Variants in DIABLO observed in about 807,000 individuals in gnomAD.
DIABLO encodes the protein diablo homolog, mitochondrial.
In DIABLO, 32 loss-of-function variants were observed where a neutral mutation model predicts 31.7. The ratio of observed to expected loss-of-function variants is 1.01; its 90% confidence interval spans 0.76 to 1.35. The LOEUF (loss-of-function observed/expected upper bound fraction) is 1.35. Ranked by LOEUF, DIABLO falls within the 40% of genes most tolerant of loss-of-function variation. The pLI is 0.00. For missense variants in DIABLO, 316 were observed against 286.4 expected, an observed-to-expected ratio of 1.10 and a Z score of -0.75; for synonymous variants, 132 against 103.2, an observed-to-expected ratio of 1.28 and a Z score of -1.69.
chr12:122,224,683 A>T, intron 1 of DIABLO, 39 bp from the exon 2 acceptor site: 1 of 1,614,106 alleles, frequency 6.2e-7, no homozygotes, highest in Non-Finnish European at 8.5e-7. Context: ...CACGACCGCC[A>T]ATCTGTAACA....
rs201968501 is a variant in DIABLO, at chr12:122,224,969, A to G, written c.51-325T>C. On this transcript the variant is annotated intron_variant, in intron 1 of 5. Coordinates refer to ENST00000464942, the MANE Select transcript of DIABLO (RefSeq NM_001371333.1). ...CGTGTCTATTAAAAAAAAATAAGTAAATAAAGGCCGAGGCGGGTGGATCAC... is the reference window on the plus strand; with the variant it reads ...CGTGTCTATTAAAAAAAAATAAGTAGATAAAGGCCGAGGCGGGTGGATCAC... 1.4e-5 allele frequency: 8 copies of G among 587,150 alleles called. No homozygotes were observed. In the East Asian group the frequency reaches 3.6e-4, roughly 26 times the overall value. 36.4% of individuals were successfully genotyped at this position (587,150 alleles called of 1,614,324 possible). A position where few individuals can be genotyped will look rare whatever the true frequency, so the allele number is the denominator to read the frequency against.
Position 122,215,751 on chromosome 12 carries a change from G to A in DIABLO, c.523+737C>T, listed in dbSNP as rs558558470. Among the ~76,000 whole-genome samples the A allele has an allele frequency of 2.5e-4, 38 of 149,922 alleles. 1 individual carries two copies. Among genetic ancestry groups the A allele is most frequent in the African/African-American group, 6.9e-4 (28 of 40,852 alleles). Reference sequence around the variant, plus strand: ...AGGAGAAGCAGAGGCTTTGGAATTCGACCTACTTGGCTCCGTGGCTCATGC... The same window carrying A: ...AGGAGAAGCAGAGGCTTTGGAATTCAACCTACTTGGCTCCGTGGCTCATGC... On this transcript the variant is annotated intron_variant, in intron 5 of 5. Transcript: ENST00000464942.
intron 2 of DIABLO, chr12:122,222,310 T>C (rs1285446587): frequency 6.6e-6 from 1 of 152,056 alleles, no homozygotes; most frequent in Non-Finnish European, 1.5e-5. Flanking sequence ...CTTTAAAAAA[T>C]CTTGGAATCT....
intron 5 of DIABLO, among the ~76,000 whole-genome samples, chr12:122,210,167 G>C (rs1566021353): frequency 6.6e-6 from 1 of 152,086 alleles, no homozygotes; most frequent in African/African-American, 2.4e-5. Flanking sequence ...TCGTTTTGGT[G>C]CTGCCCTAGT....
At chr12:122,215,653 A>G (rs1040107745) in intron 5 of DIABLO, among the ~76,000 whole-genome samples, 1 of 152,038 alleles carries the variant, frequency 6.6e-6, no homozygotes, top group Non-Finnish European at 1.5e-5. Context: ...GGGACCACTC[A>G]GGTAGGATGT....
chr12:122,224,710 T>G (rs751724483), intron 1 of DIABLO, 66 bp from the exon 2 acceptor site: 1 of 1,613,604 alleles, frequency 6.2e-7, no homozygotes. Context: ...TGGATTTACT[T>G]GCAGGGGCTG....
At position 122,213,294 on chromosome 12, in the gene DIABLO, C is replaced by G. The variant is rs145098664; in HGVS notation, c.523+3194G>C. On this transcript the variant is annotated intron_variant, in intron 5 of 5. Coordinates refer to ENST00000464942, the MANE Select transcript of DIABLO (RefSeq NM_001371333.1). Reference sequence around the variant, plus strand: ...TCTGTAATCCCAGCAGTTTGAGAGGCCAAGGCGGGTGGATCACTTGAGCTC... The same window carrying G: ...TCTGTAATCCCAGCAGTTTGAGAGGGCAAGGCGGGTGGATCACTTGAGCTC... Among the ~76,000 whole-genome samples the G allele has an allele frequency of 3.0e-3, 454 of 151,786 alleles. 5 individuals carry two copies. Among genetic ancestry groups the G allele is most frequent in the African/African-American group, 7.6e-3 (315 of 41,356 alleles).
At chr12:122,214,473 T>C (rs968021023) in intron 5 of DIABLO, among the ~76,000 whole-genome samples, 1 of 152,214 alleles carries the variant, frequency 6.6e-6, no homozygotes, top group Non-Finnish European at 1.5e-5. Context: ...TTGCCTAGGA[T>C]GGAGTGCACA....
intron 5 of DIABLO, among the ~76,000 whole-genome samples, chr12:122,214,984 C>T (rs1352757735): frequency 6.6e-6 from 1 of 152,154 alleles, no homozygotes; most frequent in Non-Finnish European, 1.5e-5. Context: ...GGATTATAGG[C>T]ATGAGCCACT....
In DIABLO at chr12:122,208,325, G is replaced by C; in HGVS notation, c.*56C>G. 3 of 1,587,252 alleles carry C rather than the reference G, an allele frequency of 1.9e-6. No homozygotes were observed. On this transcript the variant is annotated 3_prime_UTR_variant, in exon 6 of 6. Coordinates refer to ENST00000464942, the MANE Select transcript of DIABLO (RefSeq NM_001371333.1). Reference sequence around the variant, plus strand: ...AGTCATGCCAACCCTGGGCAGGGTGGCATCTGCCCCTGCTTTCCCCACTGA... The same window carrying C: ...AGTCATGCCAACCCTGGGCAGGGTGCCATCTGCCCCTGCTTTCCCCACTGA...
At chr12:122,214,106 C>CT (rs1325255273) in intron 5 of DIABLO, among the ~76,000 whole-genome samples, 2 of 151,884 alleles carry the variant, frequency 1.3e-5, no homozygotes, top group African/African-American at 2.4e-5. Context: ...AACAAAAAAA[C>CT]TAACAACAAC....
chr12:122,224,697 T>G (rs1261717474), intron 1 of DIABLO, 53 bp from the exon 2 acceptor site: 1 of 1,613,970 alleles, frequency 6.2e-7, no homozygotes, highest in African/African-American at 1.3e-5. Context: ...TGTAACAGGC[T>G]CTTGGATTTA....
At chr12:122,226,108 C>T, upstream of DIABLO, 1 of 1,511,718 alleles carries the variant, frequency 6.6e-7, no homozygotes, top group Non-Finnish European at 8.9e-7. Flanking sequence ...AGCGCCTCGC[C>T]CCATAGCCAC....
At chr12:122,224,761 G>A (rs925059876) in intron 1 of DIABLO, 117 bp from the exon 2 acceptor site, 5 of 1,603,600 alleles carry the variant, frequency 3.1e-6, no homozygotes, top group Non-Finnish European at 4.3e-6. Context: ...AAATGAGGAT[G>A]CAGGACAGCT....
At chr12:122,212,945 G>C (rs756941409) in intron 5 of DIABLO, among the ~76,000 whole-genome samples, 7 of 151,820 alleles carry the variant, frequency 4.6e-5, no homozygotes, top group Non-Finnish European at 8.8e-5. Context: ...TTTTAAGACA[G>C]GGTCTTGCTT....
chr12:122,210,058 T>C (rs532780483), intron 5 of DIABLO, among the ~76,000 whole-genome samples: 41 of 152,170 alleles, frequency 2.7e-4, no homozygotes, highest in Non-Finnish European at 4.6e-4. Flanking sequence ...AGAAGGAGTC[T>C]CACTCTATAG....
In DIABLO at chr12:122,208,123, A is replaced by AG. The variant is rs1477529164; in HGVS notation, c.*257_*258insC. On this transcript the variant is annotated 3_prime_UTR_variant, in exon 6 of 6. Coordinates refer to ENST00000464942, the MANE Select transcript of DIABLO (RefSeq NM_001371333.1). Reference sequence around the variant, plus strand: ...AAAATGCTTTGGGTGTGAGGTAAAAAAAATGGGTAAGAGCAGCTGTACAGA... The same window carrying AG: ...AAAATGCTTTGGGTGTGAGGTAAAAAGAAATGGGTAAGAGCAGCTGTACAGA... 6.0e-6 allele frequency: 4 copies of AG among 670,342 alleles called. No individual in the cohort carries two copies. The allele number at this position is 670,342 out of a possible 1,614,324, so 41.5% of individuals were successfully genotyped here. A position where few individuals can be genotyped will look rare whatever the true frequency, so the allele number is the denominator to read the frequency against.
At chr12:122,217,163 T>C (rs922679347) in intron 3 of DIABLO, 2 of 377,974 alleles carry the variant, frequency 5.3e-6, no homozygotes, top group South Asian at 2.3e-5. Context: ...GGAAAATATA[T>C]GTAAAACAAA....
intron 5 of DIABLO, among the ~76,000 whole-genome samples, chr12:122,214,171 C>T (rs1355760467): frequency 2.6e-5 from 4 of 152,142 alleles, no homozygotes; most frequent in Admixed American, 1.3e-4. Context: ...TGACACAACA[C>T]TTACCTTAAA....
Sources: allele counts gnomAD v4.1 joint callset (sites outside exome capture counted in the v4.1 genomes callset), GRCh38; gene constraint gnomAD v4.1.1; transcripts MANE v1.5; gene names NCBI Gene and HGNC (gene_info 2026-07-23, HGNC 2026-07-21).